Variants in DOP1A observed in about 807,000 individuals in gnomAD.
DOP1A encodes protein DOP1A.
Under a neutral mutation model 267.6 loss-of-function variants are expected in DOP1A, and 90 were observed. The observed-to-expected ratio is 0.34, with a 90% CI of 0.28 to 0.40. DOP1A has a LOEUF of 0.40. DOP1A is among the 10% of genes least tolerant of loss of function. The pLI is 1.00. For synonymous variants in DOP1A, 932 were observed against 999.1 expected (o/e 0.93, Z 1.27); for missense variants, 2,437 against 2,900.4 (o/e 0.84, Z 3.67).
intron 9 of DOP1A, 90 bp downstream of exon 9, chr6:83,119,947 C>A: frequency 9.7e-7 from 1 of 1,032,802 alleles, no homozygotes; most frequent in Non-Finnish European, 1.4e-6. Context: ...TAATTGAATT[C>A]ACAGTTGAAG....
At chr6:83,090,540 G>C (rs1456083662) in intron 1 of DOP1A, among the ~76,000 whole-genome samples, 1 of 152,200 alleles carries the variant, frequency 6.6e-6, no homozygotes, top group Admixed American at 6.5e-5. Flanking sequence ...TAAGTCAGTG[G>C]TGTTTAAAGT....
rs75379836 is a variant in DOP1A at position 83,140,585 on chromosome 6, A to T, written c.5415+182A>T. 1.7e-3 allele frequency among the ~76,000 whole-genome samples: 252 copies of T among 152,290 alleles called. 1 individual carries two copies. Among genetic ancestry groups the T allele is most frequent in the African/African-American group, 5.9e-3 (245 of 41,568 alleles). On this transcript the variant is annotated intron_variant, in intron 23 of 38. Coordinates refer to ENST00000349129, the MANE Select transcript of DOP1A (RefSeq NM_015018.4). The stretch of plus-strand genomic sequence containing the variant: ...ATAGAATTTGCCCATTTTTAAGTAT[A>T]CAATTCAGTAATTTTTTTAGTAAAT...
In DOP1A at chr6:83,140,299, T is replaced by C; in HGVS notation, c.5311T>C (p.Ser1771Pro). 1 of 1,613,756 alleles carries C rather than the reference T, an allele frequency of 6.2e-7. No individual in the cohort carries two copies. The highest frequency in any genetic ancestry group is 1.7e-5 in the Admixed American group (1 of 60,016). ...CTCAATCCTTCATATGATCATGTCCTCTGTGACACTGCTTTGGAGCATACT... is the reference window on the plus strand; with the variant it reads ...CTCAATCCTTCATATGATCATGTCCCCTGTGACACTGCTTTGGAGCATACT... ...ILSILHMIMSSVTLLWSILHQ... is the reference protein window; with the variant it reads ...ILSILHMIMSPVTLLWSILHQ... Residue 1771 changes from serine to proline, a missense_variant, in exon 23 of 39, where the codon TCT becomes CCT. Transcript: ENST00000349129.
At chr6:83,113,222 C>T (rs1245738776) in intron 6 of DOP1A, 101 bp from the exon 7 acceptor site, 3 of 755,116 alleles carry the variant, frequency 4.0e-6, no homozygotes, top group South Asian at 2.0e-5. Flanking sequence ...TGATTAGATC[C>T]TCAGAAGCAT....
intron 31 of DOP1A, 118 bp downstream of exon 31, chr6:83,153,738 A>G: frequency 8.6e-7 from 1 of 1,164,052 alleles, no homozygotes; most frequent in East Asian, 2.7e-5. Flanking sequence ...CTTGAATTAT[A>G]ATTGTTTAAA....
chr6:83,122,159 AT>A, intron 11 of DOP1A, 109 bp downstream of exon 11: 2 of 1,292,808 alleles, frequency 1.5e-6, no homozygotes, highest in Middle Eastern at 4.6e-4. Context: ...TTGTGTTCTA[AT>A]AAGTAAAGCT....
chr6:83,136,994 G>A (rs1022243984), intron 20 of DOP1A, among the ~76,000 whole-genome samples, 179 bp from the exon 21 acceptor site: 30 of 151,912 alleles, frequency 2.0e-4, no homozygotes, highest in African/African-American at 7.3e-4. Flanking sequence ...ACTAAAGTGA[G>A]GTATTAAGGA....
chr6:83,170,653 C>T (rs939283868), downstream of DOP1A: 3 of 590,100 alleles, frequency 5.1e-6, no homozygotes, highest in African/African-American at 3.7e-5. Context: ...TCTTTTTCTT[C>T]AGTCTATAAA....
chr6:83,132,374 C>G, intron 18 of DOP1A, 46 bp downstream of exon 18: 1 of 1,515,222 alleles, frequency 6.6e-7, no homozygotes, highest in Non-Finnish European at 8.9e-7. Context: ...GCCACACACA[C>G]ACACACACAC....
At chr6:83,116,456 G>C (rs935170239) in intron 7 of DOP1A, among the ~76,000 whole-genome samples, 16 of 152,130 alleles carry the variant, frequency 1.1e-4, no homozygotes, top group Non-Finnish European at 2.1e-4. Flanking sequence ...AAGATTTTTA[G>C]ATATTGGGAG....
chr6:83,074,307 ATTG>A (rs1316541967), intron 1 of DOP1A, among the ~76,000 whole-genome samples: 2 of 151,720 alleles, frequency 1.3e-5, no homozygotes, highest in African/African-American at 4.9e-5. Flanking sequence ...TTATTTATTT[ATTG>A]TTATTTATTA....
chr6:83,138,772 C>A lies in DOP1A; in HGVS notation c.4730C>A (p.Thr1577Lys), dbSNP rs558923019. ...GAGGATGAATTTGACAATGGCAGCA[C>A]GTTGCAGTCACAACTTCTTAAGGTG... ...FSEDEFDNGS[T>K]LQSQLLKVLQ... Residue 1577 changes from threonine (T) to lysine (K), a missense_variant, in exon 21 of 39, where the codon ACG becomes AAG. By Grantham distance (78) the Thr-to-Lys change is moderately conservative (BLOSUM62 -1). Transcript: ENST00000349129. The A allele has an allele frequency of 1.2e-6, 2 of 1,614,054 alleles. No homozygotes were observed. Among genetic ancestry groups the A allele is most frequent in the East Asian group, 2.2e-5 (1 of 44,884 alleles).
At chr6:83,156,881 TGG>T (rs1782924695) in intron 34 of DOP1A, among the ~76,000 whole-genome samples, 1 of 152,226 alleles carries the variant, frequency 6.6e-6, no homozygotes, top group Admixed American at 6.5e-5. Context: ...GTATGGTCCA[TGG>T]ACCAGTAACC....
chr6:83,118,921 G>A lies in DOP1A; in HGVS notation c.814G>A (p.Ala272Thr), dbSNP rs752106966. The A allele has an allele frequency of 3.1e-6, 5 of 1,613,672 alleles. No individual in the cohort carries two copies. The highest frequency in any genetic ancestry group is 4.2e-6 in the Non-Finnish European group (5 of 1,179,698). Residue 272 changes from alanine to threonine, a missense_variant, in exon 8 of 39, where the codon GCA becomes ACA. By Grantham distance (58) the Ala-to-Thr change is moderately conservative. This residue lies in a region of DOP1A where 251 missense variants were observed against 359.1 expected (regional missense o/e 0.70). Transcript: ENST00000349129. Reference protein sequence around the residue: ...TRPDMIRILSAALHVVLRRDM... With the variant: ...TRPDMIRILSTALHVVLRRDM... Reference sequence around the variant, plus strand: ...ACCGGATATGATCAGGATCTTGTCAGCAGCCCTTCATGTAGTGCTAAGGAG... The same window carrying A: ...ACCGGATATGATCAGGATCTTGTCAACAGCCCTTCATGTAGTGCTAAGGAG...
chr6:83,136,768 C>G (rs1216073125), intron 20 of DOP1A, among the ~76,000 whole-genome samples: 1 of 152,110 alleles, frequency 6.6e-6, no homozygotes, highest in Non-Finnish European at 1.5e-5. Flanking sequence ...CTCACCTCCC[C>G]TCTGAGATCA....
intron 7 of DOP1A, among the ~76,000 whole-genome samples, chr6:83,118,423 G>C (rs978492188): frequency 6.6e-6 from 1 of 151,930 alleles, no homozygotes. Flanking sequence ...TTATTATTTT[G>C]TTTTCTGTAT....
intron 24 of DOP1A, among the ~76,000 whole-genome samples, chr6:83,142,536 A>C (rs957798410): frequency 2.0e-5 from 3 of 152,084 alleles, no homozygotes; most frequent in Non-Finnish European, 4.4e-5. Flanking sequence ...GATAAAAATA[A>C]AATAAAATTT....
Position 83,130,416 on chromosome 6 carries a change from A to T in DOP1A, c.2616+19A>T. On this transcript the variant is annotated intron_variant, in intron 17 of 38. Coordinates refer to ENST00000349129, the MANE Select transcript of DOP1A (RefSeq NM_015018.4). ...TTTCAAGGTAAATTCTAAGAAATGC[A>T]TATATGACTATGATGATTACAGCCA... The T allele has an allele frequency of 1.3e-6, 2 of 1,598,744 alleles. No homozygotes were observed. The highest frequency in any genetic ancestry group is 1.7e-6 in the Non-Finnish European group (2 of 1,173,124).
chr6:83,169,750 G>A (rs764559898), downstream of DOP1A: 5 of 458,082 alleles, frequency 1.1e-5, no homozygotes, highest in East Asian at 1.4e-4. Context: ...CCTATTCAGC[G>A]CACTCACTGT....
Sources: gnomAD v4.1 joint callset for allele counts (sites outside exome capture counted in the v4.1 genomes callset) on GRCh38, gnomAD v4.1.1 for gene constraint, gnomAD v4.1.1 regional missense constraint, MANE v1.5 for transcripts, NCBI Gene and HGNC (gene_info 2026-07-23, HGNC 2026-07-21) for gene names.